Variants in CCDC112 observed in about 807,000 individuals in gnomAD.
CCDC112 encodes coiled-coil domain containing 112, also known as coiled-coil domain-containing protein 112.
CCDC112 carries 40 observed loss-of-function variants against 66.3 expected under a neutral mutation model. The ratio of observed to expected loss-of-function variants is 0.60; its 90% CI spans 0.47 to 0.79. The LOEUF (loss-of-function observed/expected upper bound fraction) is 0.79. Among genes scored for constraint, CCDC112 ranks in the 30% least tolerant of loss-of-function variants. CCDC112 has a pLI of 0.00. For missense variants in CCDC112, 659 were observed against 603.8 expected (o/e 1.09, Z -0.96); for synonymous variants, 214 against 197.2 (o/e 1.09, Z -0.71).
chr5:115,269,624 G>A (rs1748914287), intron 8 of CCDC112, 79 bp downstream of exon 8: 1 of 957,304 alleles, frequency 1.0e-6, no homozygotes. Context: ...AGATATAAAG[G>A]AAATAGATTT....
chr5:115,279,583 C>T (rs1436723500), intron 3 of CCDC112, 64 bp downstream of exon 3: 1 of 1,541,476 alleles, frequency 6.5e-7, no homozygotes, highest in Non-Finnish European at 8.9e-7. Flanking sequence ...AAAGACAAAG[C>T]ACAGGGTAAA....
intron 1 of CCDC112, among the ~76,000 whole-genome samples, chr5:115,290,725 T>C (rs1227700941): frequency 6.6e-6 from 1 of 152,190 alleles, no homozygotes; most frequent in Non-Finnish European, 1.5e-5. Flanking sequence ...CCTATGTATT[T>C]TAATCTTTGT....
chr5:115,268,016 C>A (rs1458147826), intron 9 of CCDC112, 98 bp from the exon 10 acceptor site: 8 of 904,098 alleles, frequency 8.8e-6, no homozygotes, highest in Non-Finnish European at 1.4e-5. Flanking sequence ...ATATATATAA[C>A]CTACCCTGCA....
intron 7 of CCDC112, 30 bp downstream of exon 7, chr5:115,271,183 A>C: frequency 6.5e-7 from 1 of 1,544,626 alleles, no homozygotes; most frequent in East Asian, 2.2e-5. Context: ...TGTAGCATTT[A>C]AAAATTATTT....
chr5:115,286,846 T>C (rs1193168313), intron 1 of CCDC112, among the ~76,000 whole-genome samples: 1 of 151,914 alleles, frequency 6.6e-6, no homozygotes, highest in African/African-American at 2.4e-5. Context: ...GTCCAGGAGA[T>C]TAAGGCTGCA....
chr5:115,275,667 A>T, intron 5 of CCDC112, 61 bp from the exon 6 acceptor site: 1 of 1,205,618 alleles, frequency 8.3e-7, no homozygotes, highest in Non-Finnish European at 1.1e-6. Context: ...TTAATTTTCC[A>T]TCAAATTTAA....
At chr5:115,292,466 C>A (rs891202675) in intron 1 of CCDC112, among the ~76,000 whole-genome samples, 1 of 152,136 alleles carries the variant, frequency 6.6e-6, no homozygotes, top group African/African-American at 2.4e-5. Flanking sequence ...GTTTTGAAGT[C>A]TTTGCCTAGT....
Position 115,296,488 on chromosome 5 carries a change from GC to G in CCDC112, c.55del (p.Ala19LeufsTer63). On this transcript the variant is annotated frameshift_variant, in exon 1 of 10. Coordinates refer to ENST00000379611, the MANE Select transcript of CCDC112 (RefSeq NM_001040440.3). LOFTEE classifies it high-confidence loss of function. The stretch of plus-strand genomic sequence containing the variant: ...GGTGGCCGCGCCCGCCCCTGCCACA[GC>G]CCCGGCTACCGCGGTGGCCGCAGCC... ...VAAAATAVAG[A>X]VAGAGAATGT... The G allele has an allele frequency of 6.4e-7, 1 of 1,562,866 alleles. No homozygotes were observed. The highest frequency in any genetic ancestry group is 8.6e-7 in the Non-Finnish European group (1 of 1,161,146).
chr5:115,268,304 C>T (rs943828217), intron 9 of CCDC112, among the ~76,000 whole-genome samples: 30 of 152,142 alleles, frequency 2.0e-4, no homozygotes, highest in Admixed American at 9.8e-4. Flanking sequence ...TTTTTTGAGA[C>T]GGAGTCTCAC....
intron 7 of CCDC112, 105 bp downstream of exon 7, chr5:115,271,108 T>C (rs1748975477): frequency 9.8e-7 from 1 of 1,024,066 alleles, no homozygotes; most frequent in Non-Finnish European, 1.4e-6. Flanking sequence ...ACTAATGCTA[T>C]ACACAGGTCC....
At position 115,284,825 on chromosome 5, in the gene CCDC112, T is replaced by G. The variant is rs1236548179; in HGVS notation, c.201A>C (p.Lys67Asn). Reference sequence around the variant, plus strand: ...TTTCTGCTGTGCGTACAAATTCTGCTTTCTTAGTCTGATTAACTTTCTGCT... The same window carrying G: ...TTTCTGCTGTGCGTACAAATTCTGCGTTCTTAGTCTGATTAACTTTCTGCT... The part of the protein sequence containing the change: ...NWKQKVNQTK[K>N]AEFVRTAEKF... Residue 67 changes from lysine (K) to asparagine (N), a missense_variant, in exon 2 of 10, where the codon AAA (lysine) becomes AAC (asparagine). Coordinates refer to ENST00000379611, the MANE Select transcript of CCDC112 (RefSeq NM_001040440.3). 1 of 1,611,466 alleles carries G rather than the reference T, an allele frequency of 6.2e-7. No homozygotes were observed. Among genetic ancestry groups the G allele is most frequent in the East Asian group, 2.2e-5 (1 of 44,754 alleles).
intron 1 of CCDC112, among the ~76,000 whole-genome samples, chr5:115,292,112 C>G (rs1749958588): frequency 6.6e-6 from 1 of 152,002 alleles, no homozygotes; most frequent in African/African-American, 2.4e-5. Flanking sequence ...TCCTTTCTTT[C>G]TGGGACTCTC....
chr5:115,283,526 G>T (rs1006252101), intron 2 of CCDC112, among the ~76,000 whole-genome samples: 1 of 152,086 alleles, frequency 6.6e-6, no homozygotes, highest in Non-Finnish European at 1.5e-5. Flanking sequence ...TAATTAGCTT[G>T]ATTGTGGTAA....
chr5:115,278,435 A>T (rs940510519), intron 3 of CCDC112, among the ~76,000 whole-genome samples: 2 of 152,116 alleles, frequency 1.3e-5, no homozygotes, highest in African/African-American at 4.8e-5. Context: ...CAGGAAAAAC[A>T]TAAAGTGTAG....
chr5:115,296,125 T>G, intron 1 of CCDC112: 1 of 1,117,106 alleles, frequency 9.0e-7, no homozygotes, highest in Non-Finnish European at 1.1e-6. Flanking sequence ...TGCATGTTAC[T>G]ATTCCCAATT....
intron 1 of CCDC112, among the ~76,000 whole-genome samples, chr5:115,290,068 G>A (rs560053319): frequency 1.3e-5 from 2 of 152,344 alleles, no homozygotes; most frequent in South Asian, 2.1e-4. Context: ...TCATACAGGG[G>A]AAACTACTGA....
At chr5:115,278,604 A>C (rs1749308719) in intron 3 of CCDC112, among the ~76,000 whole-genome samples, 1 of 152,168 alleles carries the variant, frequency 6.6e-6, no homozygotes, top group Non-Finnish European at 1.5e-5. Context: ...TATTGGCATT[A>C]CTGAGACATA....
At chr5:115,282,254 TTCAAAA>T in intron 2 of CCDC112, among the ~76,000 whole-genome samples, 1 of 152,184 alleles carries the variant, frequency 6.6e-6, no homozygotes, top group Non-Finnish European at 1.5e-5. Flanking sequence ...GTTAGACATA[TTCAAAA>T]GTACAGAATG....
intron 8 of CCDC112, 56 bp from the exon 9 acceptor site, chr5:115,269,056 T>C: frequency 1.0e-6 from 1 of 978,440 alleles, no homozygotes; most frequent in Non-Finnish European, 1.5e-6. Flanking sequence ...TTTGTACTAG[T>C]AAATAAGTAA....
Sources: allele counts gnomAD v4.1 joint callset (sites outside exome capture counted in the v4.1 genomes callset), GRCh38; gene constraint gnomAD v4.1.1; transcripts MANE v1.5; gene names NCBI Gene and HGNC (gene_info 2026-07-23, HGNC 2026-07-21).